NRXN1: variants seen among roughly 807,000 people sequenced by gnomAD.
NRXN1 encodes neurexin-1.
In NRXN1, 39 loss-of-function variants were observed where a neutral mutation model predicts 150.9. The ratio of observed to expected loss-of-function variants is 0.26; its 90% CI spans 0.20 to 0.34. NRXN1 has a LOEUF of 0.34. Ranked by LOEUF, NRXN1 falls within the 10% of genes least tolerant of loss-of-function variation. The pLI, the probability that NRXN1 is intolerant of heterozygous loss-of-function variation, is 1.00. For missense variants in NRXN1, 1,815 were observed against 1,949.9 expected (o/e 0.93, Z 1.30); for synonymous variants, 924 against 757.0 (o/e 1.22, Z -3.62).
intron 5 of NRXN1, among the ~76,000 whole-genome samples, chr2:50,719,254 C>A (rs1045210977): frequency 2.0e-5 from 3 of 151,648 alleles, no homozygotes; most frequent in Middle Eastern, 6.8e-3. Flanking sequence ...GTTTAATAAT[C>A]CATGCAATGG....
intron 18 of NRXN1, among the ~76,000 whole-genome samples, chr2:50,105,608 T>C (rs1276663172): frequency 6.6e-6 from 1 of 152,006 alleles, no homozygotes; most frequent in African/African-American, 2.4e-5. Context: ...TACATAATCA[T>C]CAAAACAAGG....
chr2:50,790,135 CCACA>C (rs61580117), intron 5 of NRXN1, among the ~76,000 whole-genome samples: 38 of 146,832 alleles, frequency 2.6e-4, no homozygotes, highest in East Asian at 1.4e-3. Flanking sequence ...TTCCCTCCCA[CCACA>C]CACACACACA....
intron 17 of NRXN1, among the ~76,000 whole-genome samples, chr2:50,404,023 T>G (rs2082576864): frequency 6.6e-6 from 1 of 152,124 alleles, no homozygotes; most frequent in African/African-American, 2.4e-5. Flanking sequence ...AAACCAAACT[T>G]GGAAAATGAG....
chr2:50,640,271 G>A lies in NRXN1; in HGVS notation c.833-16656C>T, dbSNP rs533780732. Among the ~76,000 whole-genome samples the A allele has an allele frequency of 4.6e-5, 7 of 152,254 alleles. No individual in the cohort carries two copies. The South Asian group carries it at 1.5e-3, about 32-fold the overall frequency. On this transcript the variant is annotated intron_variant, in intron 5 of 22. Coordinates refer to ENST00000401669, the MANE Select transcript of NRXN1 (RefSeq NM_001330078.2). ...AAATGGTAAAAACGCAGAGTTTAGAGAGATATGACCTAGGCATTCAATGTG... is the reference window on the plus strand; with the variant it reads ...AAATGGTAAAAACGCAGAGTTTAGAAAGATATGACCTAGGCATTCAATGTG...
chr2:50,783,272 C>T (rs1704604461), intron 5 of NRXN1, among the ~76,000 whole-genome samples: 2 of 152,210 alleles, frequency 1.3e-5, no homozygotes, highest in Non-Finnish European at 2.9e-5. Context: ...TAATTCTTGG[C>T]CAACCCAAGC....
At chr2:50,447,479 CAAAAAAAA>C (rs35878890) in intron 17 of NRXN1, among the ~76,000 whole-genome samples, 13 of 38,570 alleles carry the variant, frequency 3.4e-4, no homozygotes, top group East Asian at 2.1e-3. Context: ...GACTCTGTCT[CAAAAAAAA>C]AAAAAAAAAA....
chr2:50,724,876 A>T (rs914212969), intron 5 of NRXN1, among the ~76,000 whole-genome samples: 1 of 151,588 alleles, frequency 6.6e-6, no homozygotes, highest in South Asian at 2.1e-4. Flanking sequence ...TTTGCTCTTC[A>T]CAATAAATCT....
intron 21 of NRXN1, among the ~76,000 whole-genome samples, chr2:49,984,015 A>AAG (rs1553451431): frequency 4.6e-5 from 7 of 151,128 alleles, no homozygotes; most frequent in South Asian, 2.1e-4. Flanking sequence ...TTAAAAAAAA[A>AAG]ATTAGCTGGG....
intron 17 of NRXN1, among the ~76,000 whole-genome samples, chr2:50,357,302 A>ATTTATTTAT (rs59536239): frequency 7.0e-6 from 1 of 142,838 alleles, no homozygotes; most frequent in Non-Finnish European, 1.5e-5. Flanking sequence ...TTATTTATTT[A>ATTTATTTAT]TTTTTTTTTT....
At chr2:49,923,574 CT>C (rs1342810900) in intron 22 of NRXN1, among the ~76,000 whole-genome samples, 1 of 152,134 alleles carries the variant, frequency 6.6e-6, no homozygotes, top group Non-Finnish European at 1.5e-5. Flanking sequence ...TTTTATTTCG[CT>C]ACTACTAAAC....
chr2:50,562,050 A>C (rs1294838658), intron 8 of NRXN1, among the ~76,000 whole-genome samples: 2 of 152,194 alleles, frequency 1.3e-5, no homozygotes, highest in African/African-American at 4.8e-5. Context: ...GAAAAGTAGC[A>C]CTATTATTAT....
At chr2:50,353,989 T>C (rs1356805003) in intron 17 of NRXN1, among the ~76,000 whole-genome samples, 5 of 152,132 alleles carry the variant, frequency 3.3e-5, no homozygotes, top group African/African-American at 1.2e-4. Flanking sequence ...TCCAGGGGAA[T>C]GCCAAGGTCC....
chr2:49,919,442 C>T lies in NRXN1; in HGVS notation c.*2502G>A, dbSNP rs936358700. The stretch of plus-strand genomic sequence containing the variant: ...ACATTGAAATCAATCCCAAACAACA[C>T]ATTTCATAGATATACTGCTTAAAAT... On this transcript the variant is annotated 3_prime_UTR_variant, in exon 23 of 23. Coordinates refer to ENST00000401669, the MANE Select transcript of NRXN1 (RefSeq NM_001330078.2). 1.3e-5 allele frequency: 2 copies of T among 152,036 alleles called. No homozygotes were observed. Among genetic ancestry groups the T allele is most frequent in the Admixed American group, 6.5e-5 (1 of 15,284 alleles). The allele number at this position is 152,036 out of a possible 1,614,324, so 9.4% of individuals were successfully genotyped here.
intron 21 of NRXN1, chr2:50,023,619 A>G (rs1687880036): frequency 6.6e-6 from 1 of 152,228 alleles, no homozygotes; most frequent in African/African-American, 2.4e-5. Flanking sequence ...AGGCAAAGCT[A>G]ATGAATTGAC....
chr2:50,834,450 G>A (rs566700315), intron 5 of NRXN1, among the ~76,000 whole-genome samples: 6 of 152,170 alleles, frequency 3.9e-5, no homozygotes, highest in African/African-American at 1.2e-4. Context: ...ATTTCAGGAG[G>A]AAAACAATAA....
intron 2 of NRXN1, among the ~76,000 whole-genome samples, chr2:50,999,739 C>G (rs1699798538): frequency 6.6e-6 from 1 of 151,954 alleles, no homozygotes; most frequent in Admixed American, 6.6e-5. Context: ...CTCTTTTCTT[C>G]CATTTCCACT....
chr2:49,984,946 A>AT (rs1331189098), intron 21 of NRXN1, among the ~76,000 whole-genome samples: 1 of 152,198 alleles, frequency 6.6e-6, no homozygotes, highest in Non-Finnish European at 1.5e-5. Flanking sequence ...TTCCTGAGAA[A>AT]TAAAAGTGAT....
chr2:50,192,609 T>TGG (rs1559064389), intron 18 of NRXN1, among the ~76,000 whole-genome samples: 1 of 147,380 alleles, frequency 6.8e-6, no homozygotes, highest in South Asian at 2.1e-4. Flanking sequence ...ATACTTTTTT[T>TGG]TGGGGGGGGC....
intron 17 of NRXN1, among the ~76,000 whole-genome samples, chr2:50,364,037 C>T (rs2079411391): frequency 6.6e-6 from 1 of 151,936 alleles, no homozygotes; most frequent in South Asian, 2.1e-4. Context: ...GGGAGTTGAA[C>T]AATGAGAACA....
Sources: gnomAD v4.1 joint callset for allele counts (sites outside exome capture counted in the v4.1 genomes callset) on GRCh38, gnomAD v4.1.1 for gene constraint, MANE v1.5 for transcripts, NCBI Gene and HGNC (gene_info 2026-07-23, HGNC 2026-07-21) for gene names.